Variants in DOCK1 observed in about 807,000 individuals in gnomAD.
DOCK1 encodes dedicator of cytokinesis protein 1.
DOCK1 carries 138 observed loss-of-function variants against 262.7 expected under a neutral mutation model. That is an observed-to-expected ratio of 0.53 (90% confidence interval 0.46 to 0.61). The LOEUF (loss-of-function observed/expected upper bound fraction) is 0.61. Among genes scored for constraint, DOCK1 ranks in the 20% least tolerant of loss-of-function variants. The pLI is 0.00. For synonymous variants in DOCK1, 866 were observed against 867.4 expected (o/e 1.00, Z 0.03); for missense variants, 1,908 against 2,370.7 (o/e 0.80, Z 4.05).
chr10:127,086,235 C>G (rs11599536), intron 23 of DOCK1, among the ~76,000 whole-genome samples: 1 of 151,422 alleles, frequency 6.6e-6, no homozygotes, highest in Non-Finnish European at 1.5e-5. Flanking sequence ...CCTCCCATCC[C>G]CCCACCCCCG....
intron 29 of DOCK1, among the ~76,000 whole-genome samples, chr10:127,264,097 T>G (rs2060271933): frequency 1.3e-5 from 2 of 152,196 alleles, no homozygotes; most frequent in African/African-American, 4.8e-5. Context: ...TATTTTGGAA[T>G]TAGACTTTCT....
intron 1 of DOCK1, among the ~76,000 whole-genome samples, chr10:126,952,723 T>G (rs966537516): frequency 1.1e-4 from 16 of 150,470 alleles, no homozygotes; most frequent in Non-Finnish European, 2.4e-4. Flanking sequence ...GTTGGTAGTG[T>G]TGGTGATGTT....
At chr10:127,379,471 G>C (rs1261082195) in intron 35 of DOCK1, among the ~76,000 whole-genome samples, 2 of 152,180 alleles carry the variant, frequency 1.3e-5, no homozygotes, top group African/African-American at 2.4e-5. Flanking sequence ...TGTGTAGACT[G>C]TTTGATACAG....
chr10:127,202,572 G>C (rs1257486421), intron 27 of DOCK1, among the ~76,000 whole-genome samples: 2 of 152,172 alleles, frequency 1.3e-5, no homozygotes, highest in Non-Finnish European at 2.9e-5. Flanking sequence ...GCATGGAAGA[G>C]GGATGGGGTA....
At chr10:127,390,908 C>T (rs1043925628) in intron 38 of DOCK1, among the ~76,000 whole-genome samples, 4 of 152,188 alleles carry the variant, frequency 2.6e-5, no homozygotes, top group East Asian at 3.8e-4. Context: ...TCCTATTGGA[C>T]GGTGGTTCCT....
At chr10:126,912,349 G>T (rs2031898234) in intron 1 of DOCK1, among the ~76,000 whole-genome samples, 1 of 151,398 alleles carries the variant, frequency 6.6e-6, no homozygotes, top group African/African-American at 2.4e-5. Context: ...AGAATCACTG[G>T]AACCTCGGAG....
In DOCK1 at chr10:126,956,817, G is replaced by C. The variant is rs1038147477; in HGVS notation, c.47-13885G>C. ...TCCATGTCTTGATTCCAGAGGCTGAGTGCTTGGCTCAGAGGGAGGGAGTGG... is the reference window on the plus strand; with the variant it reads ...TCCATGTCTTGATTCCAGAGGCTGACTGCTTGGCTCAGAGGGAGGGAGTGG... On this transcript the variant is annotated intron_variant, in intron 1 of 51. Transcript: ENST00000623213. 3.0e-3 allele frequency among the ~76,000 whole-genome samples: 459 copies of C among 152,324 alleles called. 3 individuals carry two copies. Among genetic ancestry groups the C allele is most frequent in the African/African-American group, 0.01 (432 of 41,586 alleles).
At chr10:127,390,512 A>G (rs1364967319) in intron 38 of DOCK1, among the ~76,000 whole-genome samples, 1 of 152,196 alleles carries the variant, frequency 6.6e-6, no homozygotes, top group South Asian at 2.1e-4. Flanking sequence ...CCCTAATCGA[A>G]TCTGACTGGT....
intron 3 of DOCK1, among the ~76,000 whole-genome samples, chr10:126,979,212 T>TC (rs1287647616): frequency 2.6e-5 from 4 of 152,182 alleles, no homozygotes; most frequent in Admixed American, 2.6e-4. Context: ...ACATTGGTTT[T>TC]CCCTTCCCCA....
At chr10:126,925,037 A>G (rs1006868725) in intron 1 of DOCK1, among the ~76,000 whole-genome samples, 1 of 152,210 alleles carries the variant, frequency 6.6e-6, no homozygotes, top group Admixed American at 6.5e-5. Context: ...GTTTTTAAAA[A>G]CTGGTTTAGA....
chr10:126,981,320 C>T (rs994859608), intron 3 of DOCK1, among the ~76,000 whole-genome samples: 7 of 152,214 alleles, frequency 4.6e-5, no homozygotes, highest in African/African-American at 1.7e-4. Flanking sequence ...AAACTCTCCC[C>T]AGGCTTCATT....
intron 27 of DOCK1, among the ~76,000 whole-genome samples, chr10:127,192,280 G>C (rs2056813248): frequency 6.6e-6 from 1 of 152,178 alleles, no homozygotes; most frequent in Admixed American, 6.5e-5. Flanking sequence ...TGACTTTGGG[G>C]AGAGTTATTT....
At chr10:126,970,641 A>T in intron 1 of DOCK1, 61 bp from the exon 2 acceptor site, 1 of 1,345,564 alleles carries the variant, frequency 7.4e-7, no homozygotes, top group Non-Finnish European at 1.1e-6. Context: ...AGCCAACACG[A>T]CTCAGCATGG....
chr10:126,963,901 G>A (rs2037471504), intron 1 of DOCK1, among the ~76,000 whole-genome samples: 1 of 152,048 alleles, frequency 6.6e-6, no homozygotes, highest in Non-Finnish European at 1.5e-5. Flanking sequence ...CAAAAGCAGT[G>A]GAAGGATTTT....
intron 29 of DOCK1, among the ~76,000 whole-genome samples, chr10:127,266,793 A>G (rs2060376426): frequency 6.6e-6 from 1 of 152,212 alleles, no homozygotes. Flanking sequence ...ACTACAGCTC[A>G]TGCACTTAAT....
At chr10:127,158,525 T>C (rs2053296003) in intron 27 of DOCK1, among the ~76,000 whole-genome samples, 1 of 152,220 alleles carries the variant, frequency 6.6e-6, no homozygotes, top group African/African-American at 2.4e-5. Context: ...TGTAACTCCA[T>C]GCGTGATACA....
intron 4 of DOCK1, among the ~76,000 whole-genome samples, chr10:126,985,262 T>C (rs1019612759): frequency 6.6e-6 from 1 of 152,156 alleles, no homozygotes; most frequent in African/African-American, 2.4e-5. Context: ...ATTACAGGCG[T>C]GAGCCACCGC....
At chr10:126,925,767 TGTGC>T (rs1554956785) in intron 1 of DOCK1, among the ~76,000 whole-genome samples, 1 of 140,888 alleles carries the variant, frequency 7.1e-6, no homozygotes, top group African/African-American at 2.7e-5. Context: ...TGTGTGTGTG[TGTGC>T]GCCTAGGTGC....
chr10:127,152,907 G>A, intron 27 of DOCK1, among the ~76,000 whole-genome samples: 1 of 152,168 alleles, frequency 6.6e-6, no homozygotes, highest in East Asian at 1.9e-4. Context: ...GTCTGGATCG[G>A]AGGCATGGAC....
Sources: allele counts gnomAD v4.1 joint callset (sites outside exome capture counted in the v4.1 genomes callset), GRCh38; gene constraint gnomAD v4.1.1; transcripts MANE v1.5; gene names NCBI Gene and HGNC (gene_info 2026-07-23, HGNC 2026-07-21).